Variants in ADAM32 observed in about 807,000 individuals in gnomAD.
ADAM32 encodes the protein disintegrin and metalloproteinase domain-containing protein 32.
Under a neutral mutation model 114.9 loss-of-function variants are expected in ADAM32, and 89 were observed. The observed-to-expected ratio is 0.77, with a 90% CI of 0.65 to 0.92. ADAM32 has a LOEUF of 0.92. ADAM32 is among the 40% of genes least tolerant of loss of function. The probability of loss-of-function intolerance (pLI) is 0.00; values close to 1 mark genes in which losing one functional copy is unlikely to be tolerated. For missense variants in ADAM32, 870 were observed against 932.8 expected (o/e 0.93, Z 0.88); for synonymous variants, 285 against 307.5 (o/e 0.93, Z 0.77).
chr8:39,219,378 G>T (rs544759032), intron 12 of ADAM32, among the ~76,000 whole-genome samples: 1 of 152,188 alleles, frequency 6.6e-6, no homozygotes, highest in South Asian at 2.1e-4. Flanking sequence ...GTTCACTTAG[G>T]GCCCCAGAGT....
upstream of ADAM32, chr8:39,107,631 A>G: frequency 6.7e-7 from 1 of 1,481,560 alleles, no homozygotes; most frequent in African/African-American, 1.4e-5. Context: ...GACGCTAAAC[A>G]CCGAGAGCAC....
intron 15 of ADAM32, among the ~76,000 whole-genome samples, chr8:39,232,500 C>T (rs1447488751): frequency 6.6e-6 from 1 of 152,056 alleles, no homozygotes; most frequent in Non-Finnish European, 1.5e-5. Flanking sequence ...TCTGAAGAGC[C>T]AGGTTTTTGA....
At position 39,192,729 on chromosome 8, in the gene ADAM32, C is replaced by T. The variant is rs1383179306; in HGVS notation, c.1052+5684C>T. Among the ~76,000 whole-genome samples the T allele has an allele frequency of 5.9e-5, 9 of 152,168 alleles. No individual in the cohort carries two copies. In the South Asian group the frequency reaches 1.9e-3, roughly 31 times the overall value. Reference sequence around the variant, plus strand: ...ATCTGATAGTAACTAATGCCCTCAGCATTTGCTTGTCTGAAAAGGATCTTT... The same window carrying T: ...ATCTGATAGTAACTAATGCCCTCAGTATTTGCTTGTCTGAAAAGGATCTTT... On this transcript the variant is annotated intron_variant, in intron 11 of 24. Coordinates refer to ENST00000379907, the MANE Select transcript of ADAM32 (RefSeq NM_145004.7).
chr8:39,129,948 A>T, intron 2 of ADAM32: 1 of 312,082 alleles, frequency 3.2e-6, no homozygotes, highest in East Asian at 9.4e-5. Context: ...ATTGTACATC[A>T]CATTTCCTTT....
At chr8:39,180,512 G>A (rs530235213) in intron 10 of ADAM32, among the ~76,000 whole-genome samples, 15 of 152,340 alleles carry the variant, frequency 9.8e-5, no homozygotes, top group Admixed American at 9.1e-4. Flanking sequence ...TGAGGAGTAC[G>A]AGCACATGGC....
intron 20 of ADAM32, among the ~76,000 whole-genome samples, chr8:39,273,163 T>G (rs1812839673): frequency 6.6e-6 from 1 of 151,982 alleles, no homozygotes; most frequent in South Asian, 2.1e-4. Context: ...TACAGTTAAT[T>G]TTTTTTCTTT....
At chr8:39,246,037 G>A (rs1466631946) in intron 16 of ADAM32, 46 bp from the exon 17 acceptor site, 3 of 1,385,844 alleles carry the variant, frequency 2.2e-6, no homozygotes, top group Non-Finnish European at 3.1e-6. Flanking sequence ...TATGATGACT[G>A]TACCCCTCTG....
At chr8:39,175,851 A>G (rs1257237454) in intron 10 of ADAM32, among the ~76,000 whole-genome samples, 2 of 152,014 alleles carry the variant, frequency 1.3e-5, no homozygotes, top group Non-Finnish European at 2.9e-5. Flanking sequence ...TTCTGCCTCC[A>G]TTTCAGAACT....
chr8:39,182,422 C>T (rs966120465), intron 10 of ADAM32, among the ~76,000 whole-genome samples: 1 of 152,060 alleles, frequency 6.6e-6, no homozygotes, highest in Admixed American at 6.6e-5. Flanking sequence ...AAATTGTCTG[C>T]CTTTACCATG....
chr8:39,244,188 C>A (rs1439426624), intron 16 of ADAM32, among the ~76,000 whole-genome samples: 1 of 152,124 alleles, frequency 6.6e-6, no homozygotes, highest in African/African-American at 2.4e-5. Context: ...AATGACAATA[C>A]TGTCAAAAGC....
At chr8:39,241,219 C>A (rs981219941) in intron 16 of ADAM32, among the ~76,000 whole-genome samples, 1 of 152,250 alleles carries the variant, frequency 6.6e-6, no homozygotes, top group African/African-American at 2.4e-5. Flanking sequence ...AGCAGCTCTG[C>A]ACCTGTGACT....
chr8:39,158,695 G>A (rs545199139), intron 6 of ADAM32: 33 of 161,048 alleles, frequency 2.0e-4, no homozygotes, highest in Non-Finnish European at 3.4e-4. Context: ...GATTTCCTGC[G>A]AGACATCATG....
At chr8:39,152,881 C>G (rs1362159402) in intron 6 of ADAM32, among the ~76,000 whole-genome samples, 1 of 152,146 alleles carries the variant, frequency 6.6e-6, no homozygotes, top group Non-Finnish European at 1.5e-5. Context: ...TGTGAGCAAG[C>G]ATAATATGTG....
At chr8:39,245,094 T>C (rs1425275677) in intron 16 of ADAM32, among the ~76,000 whole-genome samples, 1 of 152,036 alleles carries the variant, frequency 6.6e-6, no homozygotes, top group Non-Finnish European at 1.5e-5. Flanking sequence ...GAAAATGTGG[T>C]ATATAAATAC....
chr8:39,171,478 A>T (rs1805190419), intron 10 of ADAM32, among the ~76,000 whole-genome samples: 1 of 151,872 alleles, frequency 6.6e-6, no homozygotes. Context: ...CTCTATATAT[A>T]TTTTTTTGCA....
chr8:39,183,996 A>G (rs913626062), intron 10 of ADAM32, among the ~76,000 whole-genome samples: 1 of 152,178 alleles, frequency 6.6e-6, no homozygotes, highest in Non-Finnish European at 1.5e-5. Context: ...TAATAAACCT[A>G]TCTCCAGTTT....
At chr8:39,239,845 A>G (rs1810439526) in intron 16 of ADAM32, among the ~76,000 whole-genome samples, 2 of 152,224 alleles carry the variant, frequency 1.3e-5, no homozygotes, top group Admixed American at 1.3e-4. Context: ...GCATTATATA[A>G]TGATAAAGGG....
intron 6 of ADAM32, chr8:39,158,535 C>G (rs994855331): frequency 2.4e-5 from 8 of 339,420 alleles, no homozygotes; most frequent in Non-Finnish European, 4.0e-5. Flanking sequence ...GCTTCCCACA[C>G]GATGTGTCAT....
At chr8:39,135,890 G>C (rs924343025) in intron 2 of ADAM32, among the ~76,000 whole-genome samples, 4 of 152,054 alleles carry the variant, frequency 2.6e-5, no homozygotes, top group Non-Finnish European at 5.9e-5. Context: ...TAATGTTGAC[G>C]ATCTGGTTTC....
Sources: gnomAD v4.1 joint callset for allele counts (sites outside exome capture counted in the v4.1 genomes callset) on GRCh38, gnomAD v4.1.1 for gene constraint, MANE v1.5 for transcripts, NCBI Gene and HGNC (gene_info 2026-07-23, HGNC 2026-07-21) for gene names.